CERS6: variants seen among roughly 807,000 people sequenced by gnomAD.
CERS6 encodes the protein ceramide synthase 6, also known as LAG1 homolog, ceramide synthase 6.
CERS6 carries 26 observed loss-of-function variants against 56.8 expected under a neutral mutation model. The ratio of observed to expected loss-of-function variants is 0.46; its 90% CI spans 0.34 to 0.63. CERS6 has a LOEUF of 0.63. Among genes scored for constraint, CERS6 ranks in the 30% least tolerant of loss-of-function variants. The pLI, the probability that CERS6 is intolerant of heterozygous loss-of-function variation, is 0.01. For missense variants in CERS6, 415 were observed against 467.5 expected (o/e 0.89, Z 1.04); for synonymous variants, 164 against 173.3 (o/e 0.95, Z 0.42).
At chr2:168,637,356 C>G (rs1275516918) in intron 4 of CERS6, among the ~76,000 whole-genome samples, 1 of 152,116 alleles carries the variant, frequency 6.6e-6, no homozygotes, top group Non-Finnish European at 1.5e-5. Flanking sequence ...GTGGCACACG[C>G]CTATAGTCCC....
intron 1 of CERS6, among the ~76,000 whole-genome samples, chr2:168,528,265 G>C (rs1467119611): frequency 2.0e-5 from 3 of 152,190 alleles, no homozygotes; most frequent in African/African-American, 7.2e-5. Flanking sequence ...CAGCAGGAGT[G>C]TTTTGTTTTC....
intron 1 of CERS6, among the ~76,000 whole-genome samples, chr2:168,528,356 G>A (rs935478443): frequency 6.6e-6 from 1 of 152,286 alleles, no homozygotes; most frequent in Non-Finnish European, 1.5e-5. Context: ...CTCATCAGGG[G>A]TCTGGGTTCT....
chr2:168,626,482 A>G (rs1425217249), intron 3 of CERS6, among the ~76,000 whole-genome samples: 1 of 152,176 alleles, frequency 6.6e-6, no homozygotes, highest in African/African-American at 2.4e-5. Flanking sequence ...CTTGATTTTA[A>G]CAAAGAGCCC....
intron 1 of CERS6, among the ~76,000 whole-genome samples, chr2:168,464,115 C>T (rs1196410682): frequency 6.6e-6 from 1 of 150,378 alleles, no homozygotes; most frequent in African/African-American, 2.5e-5. Flanking sequence ...TTTTTTCTTA[C>T]TTCTTAATGT....
intron 4 of CERS6, among the ~76,000 whole-genome samples, chr2:168,658,786 G>A (rs1685555634): frequency 6.6e-6 from 1 of 152,238 alleles, no homozygotes; most frequent in Non-Finnish European, 1.5e-5. Flanking sequence ...AGCACATTAT[G>A]TGATGGGGCC....
intron 1 of CERS6, among the ~76,000 whole-genome samples, chr2:168,540,698 T>G (rs568803498): frequency 2.0e-4 from 31 of 152,354 alleles, no homozygotes; most frequent in Admixed American, 1.5e-3. Flanking sequence ...TGCACTGTCG[T>G]TGAGCCTTCA....
intron 8 of CERS6, among the ~76,000 whole-genome samples, chr2:168,729,468 A>G (rs1398497153): frequency 6.6e-6 from 1 of 151,872 alleles, no homozygotes; most frequent in Non-Finnish European, 1.5e-5. Flanking sequence ...CCAACTTTCC[A>G]CTCCCATCCA....
At chr2:168,463,255 G>T (rs1413676203) in intron 1 of CERS6, among the ~76,000 whole-genome samples, 1 of 152,080 alleles carries the variant, frequency 6.6e-6, no homozygotes, top group Admixed American at 6.5e-5. Flanking sequence ...CAATCATACT[G>T]TATATATATG....
chr2:168,704,290 C>T (rs1266325030), intron 6 of CERS6, among the ~76,000 whole-genome samples: 2 of 152,070 alleles, frequency 1.3e-5, no homozygotes, highest in Non-Finnish European at 2.9e-5. Flanking sequence ...CAGAGAGCCA[C>T]GCGGTGCTGC....
intron 3 of CERS6, among the ~76,000 whole-genome samples, chr2:168,571,036 C>T (rs546651668): frequency 6.6e-6 from 1 of 152,126 alleles, no homozygotes; most frequent in Admixed American, 6.5e-5. Flanking sequence ...TTCTAGGGCC[C>T]CTTCCTTATG....
intron 3 of CERS6, among the ~76,000 whole-genome samples, chr2:168,630,007 G>A (rs943593493): frequency 2.6e-5 from 4 of 151,770 alleles, no homozygotes; most frequent in Non-Finnish European, 5.9e-5. Context: ...TATTAGAGAC[G>A]GGATTTCACC....
intron 4 of CERS6, among the ~76,000 whole-genome samples, chr2:168,663,110 T>C (rs181447715): frequency 1.3e-5 from 2 of 152,352 alleles, no homozygotes; most frequent in Admixed American, 6.5e-5. Context: ...TTTAGCACCA[T>C]GTGGTTCTCT....
Position 168,669,125 on chromosome 2 carries a change from A to C in CERS6, c.466-21909A>C, listed in dbSNP as rs148114959. 3.4e-4 allele frequency among the ~76,000 whole-genome samples: 52 copies of C among 152,300 alleles called. No homozygotes were observed. In the East Asian group the frequency reaches 8.7e-3, roughly 25 times the overall value. Reference sequence around the variant, plus strand: ...TCATGTTAAAGAAGTCTGAAGTCTGATATGATGGTTCCATTATGTTATTAA... The same window carrying C: ...TCATGTTAAAGAAGTCTGAAGTCTGCTATGATGGTTCCATTATGTTATTAA... On this transcript the variant is annotated intron_variant, in intron 4 of 9. Coordinates refer to ENST00000305747, the MANE Select transcript of CERS6 (RefSeq NM_203463.3).
chr2:168,498,920 C>G (rs545687837), intron 1 of CERS6, among the ~76,000 whole-genome samples: 3 of 152,110 alleles, frequency 2.0e-5, no homozygotes, highest in African/African-American at 4.8e-5. Flanking sequence ...ACTTCCCCCC[C>G]ACATCTCGTT....
At chr2:168,627,132 T>C (rs1684608459) in intron 3 of CERS6, among the ~76,000 whole-genome samples, 1 of 152,220 alleles carries the variant, frequency 6.6e-6, no homozygotes, top group Non-Finnish European at 1.5e-5. Context: ...TTTTGAAATT[T>C]TCCCGTAAGA....
chr2:168,643,837 A>G (rs1184756597), intron 4 of CERS6, among the ~76,000 whole-genome samples: 1 of 152,048 alleles, frequency 6.6e-6, no homozygotes, highest in Non-Finnish European at 1.5e-5. Flanking sequence ...TAATTTCTTC[A>G]TCTCGAGGTC....
intron 1 of CERS6, among the ~76,000 whole-genome samples, chr2:168,478,504 C>T (rs189065858): frequency 1.2e-4 from 18 of 152,318 alleles, no homozygotes; most frequent in Admixed American, 1.2e-3. Context: ...ATTCTCTAGT[C>T]TAAAGCCTCT....
chr2:168,760,029 A>G (rs1459850744), intron 8 of CERS6, among the ~76,000 whole-genome samples: 2 of 151,976 alleles, frequency 1.3e-5, no homozygotes, highest in African/African-American at 4.8e-5. Flanking sequence ...ATTTGTATGT[A>G]TGTATAACCC....
At chr2:168,575,882 C>T (rs1391609472) in intron 3 of CERS6, among the ~76,000 whole-genome samples, 1 of 152,098 alleles carries the variant, frequency 6.6e-6, no homozygotes, top group Non-Finnish European at 1.5e-5. Context: ...CAAATACCTG[C>T]CTCTCCATTA....
Sources: gnomAD v4.1 joint callset for allele counts (sites outside exome capture counted in the v4.1 genomes callset) on GRCh38, gnomAD v4.1.1 for gene constraint, MANE v1.5 for transcripts, NCBI Gene and HGNC (gene_info 2026-07-23, HGNC 2026-07-21) for gene names.